Variants in ABCB1 observed in about 807,000 individuals in gnomAD.
The protein encoded by ABCB1 is ATP binding cassette subfamily B member 1, also known as ATP-dependent translocase ABCB1.
In ABCB1, 69 loss-of-function variants were observed where a neutral mutation model predicts 142.0. The ratio of observed to expected loss-of-function variants is 0.49; its 90% CI spans 0.40 to 0.59. ABCB1 has a LOEUF of 0.59. Ranked by LOEUF, ABCB1 falls within the 20% of genes least tolerant of loss-of-function variation. ABCB1 has a pLI of 0.00. For missense variants in ABCB1, 1,326 were observed against 1,554.7 expected (o/e 0.85, Z 2.47); for synonymous variants, 532 against 539.2 (o/e 0.99, Z 0.18).
At position 87,650,967 on chromosome 7, in the gene ABCB1, C is replaced by G. The variant is rs1206301366; in HGVS notation, c.-330-49889G>C. Reference sequence around the variant, plus strand: ...AAGCACTAATGTACTATTTATTTTCCCACCAGCTGTCTTTATAATAAGCTT... The same window carrying G: ...AAGCACTAATGTACTATTTATTTTCGCACCAGCTGTCTTTATAATAAGCTT... On this transcript the variant is annotated intron_variant, in intron 1 of 28. Transcript: ENST00000265724. 5 of 1,266,700 alleles carry G rather than the reference C, an allele frequency of 3.9e-6. No homozygotes were observed. The South Asian group carries it at 4.9e-5, about 12-fold the overall frequency. The allele number at this position is 1,266,700 out of a possible 1,614,324, so 78.5% of individuals were successfully genotyped here. A position where few individuals can be genotyped will look rare whatever the true frequency, so the allele number is the denominator to read the frequency against.
At position 87,545,902 on chromosome 7, in the gene ABCB1, C is replaced by G; in HGVS notation, c.1848G>C (p.Met616Ile). ...IVEKGNHDEL[M>I]KEKGIYFKLV... Reference sequence around the variant, plus strand: ...GTTTGAAGTAAATGCCTTTCTCTTTCATGAGTTCATCATGATTTCCTTTCT... The same window carrying G: ...GTTTGAAGTAAATGCCTTTCTCTTTGATGAGTTCATCATGATTTCCTTTCT... The change falls in exon 15 of 28, where the codon ATG (methionine) becomes ATC (isoleucine). Residue 616 changes from methionine (M) to isoleucine (I), a missense_variant. Met to Ile is a conservative substitution (Grantham distance 10, BLOSUM62 1). Coordinates refer to ENST00000622132, the MANE Select transcript of ABCB1 (RefSeq NM_001348946.2). The G allele has an allele frequency of 6.2e-7, 1 of 1,614,182 alleles. No homozygotes were observed. The highest frequency in any genetic ancestry group is 1.1e-5 in the South Asian group (1 of 91,080).
At chr7:87,534,374 G>C (rs1816187137) in intron 20 of ABCB1, among the ~76,000 whole-genome samples, 1 of 152,176 alleles carries the variant, frequency 6.6e-6, no homozygotes, top group African/African-American at 2.4e-5. Flanking sequence ...ACTGTCTCAT[G>C]TATATTCCTC....
intron 1 of ABCB1, among the ~76,000 whole-genome samples, chr7:87,659,051 G>C (rs571032121): frequency 6.6e-6 from 1 of 152,086 alleles, no homozygotes. Flanking sequence ...CTATTTGGGC[G>C]GCTGAGGTGG....
intron 14 of ABCB1, among the ~76,000 whole-genome samples, chr7:87,546,731 C>G (rs1816800680): frequency 6.6e-6 from 1 of 152,078 alleles, no homozygotes; most frequent in African/African-American, 2.4e-5. Context: ...CGCATGACCC[C>G]CTGGATGAAC....
intron 1 of ABCB1, among the ~76,000 whole-genome samples, chr7:87,647,162 C>T (rs1823088422): frequency 6.6e-6 from 1 of 152,160 alleles, no homozygotes; most frequent in African/African-American, 2.4e-5. Context: ...TATTTCATTA[C>T]ACAACAAGAA....
At chr7:87,536,937 C>A (rs530214246) in intron 19 of ABCB1, 53 of 283,174 alleles carry the variant, frequency 1.9e-4, no homozygotes, top group African/African-American at 1.1e-3. Context: ...GAAGGCCTTT[C>A]TAAGGGGACA....
intron 25 of ABCB1, among the ~76,000 whole-genome samples, chr7:87,512,003 C>T (rs1375066279): frequency 1.3e-5 from 2 of 151,828 alleles, no homozygotes; most frequent in Non-Finnish European, 2.9e-5. Context: ...TCTGGGAAGT[C>T]GAACAGTTTT....
At chr7:87,532,754 A>G (rs1427818588) in intron 20 of ABCB1, among the ~76,000 whole-genome samples, 1 of 152,080 alleles carries the variant, frequency 6.6e-6, no homozygotes, top group Non-Finnish European at 1.5e-5. Context: ...GCTATTCTTA[A>G]TTTTTTCACT....
chr7:87,560,570 C>T (rs1584881029), intron 8 of ABCB1, among the ~76,000 whole-genome samples: 1 of 152,176 alleles, frequency 6.6e-6, no homozygotes, highest in Middle Eastern at 3.4e-3. Context: ...AATGTATAAC[C>T]CCCTTAACCA....
intron 4 of ABCB1, among the ~76,000 whole-genome samples, chr7:87,584,209 G>A (rs1053675364): frequency 6.6e-6 from 1 of 152,098 alleles, no homozygotes; most frequent in African/African-American, 2.4e-5. Flanking sequence ...GTACTTTTTA[G>A]GGTCATGAAG....
chr7:87,607,296 A>G (rs1032622448), intron 1 of ABCB1, among the ~76,000 whole-genome samples: 2 of 152,198 alleles, frequency 1.3e-5, no homozygotes, highest in African/African-American at 2.4e-5. Context: ...AAGATAATAC[A>G]GAAGAGAGAA....
chr7:87,541,824 T>A (rs911481757), intron 17 of ABCB1, among the ~76,000 whole-genome samples: 1 of 152,226 alleles, frequency 6.6e-6, no homozygotes, highest in South Asian at 2.1e-4. Flanking sequence ...CATTTCAAAC[T>A]GTCCCAAGGT....
At chr7:87,506,065 T>C in intron 26 of ABCB1, 22 bp from the exon 27 acceptor site, 1 of 1,611,850 alleles carries the variant, frequency 6.2e-7, no homozygotes, top group Non-Finnish European at 8.5e-7. Context: ...GTTTTGTTGT[T>C]ATGAAAGTAG....
intron 2 of ABCB1, 76 bp from the exon 3 acceptor site, chr7:87,595,890 G>A: frequency 8.5e-7 from 1 of 1,170,366 alleles, no homozygotes; most frequent in Non-Finnish European, 1.3e-6. Context: ...AACATAGAAT[G>A]TATATTTAAT....
intron 4 of ABCB1, among the ~76,000 whole-genome samples, chr7:87,581,753 TA>T (rs1818519629): frequency 6.6e-6 from 1 of 152,214 alleles, no homozygotes; most frequent in Admixed American, 6.5e-5. Flanking sequence ...ATGTTTATTG[TA>T]AAAACCCCCA....
intron 1 of ABCB1, among the ~76,000 whole-genome samples, chr7:87,607,062 A>C (rs1819680564): frequency 6.6e-6 from 1 of 152,210 alleles, no homozygotes; most frequent in South Asian, 2.1e-4. Flanking sequence ...TGAGAGAGGA[A>C]GAAGAGAGAA....
chr7:87,619,192 T>G (rs1214266949), intron 1 of ABCB1, among the ~76,000 whole-genome samples: 1 of 152,158 alleles, frequency 6.6e-6, no homozygotes, highest in East Asian at 1.9e-4. Context: ...CAGTAAATAT[T>G]TGAGAAGATA....
chr7:87,685,768 T>C (rs1827396887), intron 1 of ABCB1, among the ~76,000 whole-genome samples: 1 of 152,184 alleles, frequency 6.6e-6, no homozygotes, highest in Non-Finnish European at 1.5e-5. Context: ...CATGACTCCC[T>C]CTATTTTTCA....
At chr7:87,520,507 C>T (rs1405634678) in intron 22 of ABCB1, among the ~76,000 whole-genome samples, 4 of 152,136 alleles carry the variant, frequency 2.6e-5, no homozygotes, top group African/African-American at 7.2e-5. Flanking sequence ...CATATCCTAC[C>T]TGGACATCAG....
Sources: allele counts gnomAD v4.1 joint callset (sites outside exome capture counted in the v4.1 genomes callset), GRCh38; gene constraint gnomAD v4.1.1; transcripts MANE v1.5; gene names NCBI Gene and HGNC (gene_info 2026-07-23, HGNC 2026-07-21).